The following LOC112694756 variants were observed in gnomAD, a reference collection of about 807,000 sequenced individuals.
the LOC112694756 span, chr16:30,063,728 G>A: frequency 2.5e-6 from 1 of 399,344 alleles, no homozygotes; most frequent in Non-Finnish European, 4.4e-6. Context: ...TCCTCCCTCA[G>A]GACTGGGCAC....
chr16:30,061,918 T>C, the LOC112694756 span, among the ~76,000 whole-genome samples: 1 of 151,818 alleles, frequency 6.6e-6, no homozygotes, highest in South Asian at 2.1e-4. Flanking sequence ...TTAAAAAATA[T>C]AAGGCTGGGC....
chr16:30,062,860 T>G, the LOC112694756 span, among the ~76,000 whole-genome samples: 7 of 129,088 alleles, frequency 5.4e-5, no homozygotes, highest in Non-Finnish European at 8.2e-5. Flanking sequence ...AAAAAAAAAA[T>G]GGCCGGGCAC....
the LOC112694756 span, among the ~76,000 whole-genome samples, chr16:30,057,785 T>A: frequency 2.6e-5 from 4 of 151,972 alleles, no homozygotes; most frequent in African/African-American, 9.7e-5. Flanking sequence ...AAAACTCCTG[T>A]CTTGGCGTGG....
chr16:30,059,522 A>G, the LOC112694756 span, among the ~76,000 whole-genome samples: 1 of 150,168 alleles, frequency 6.7e-6, no homozygotes, highest in African/African-American at 2.5e-5. Context: ...AATAATAATA[A>G]TATCTCTCTT....
chr16:30,058,535 G>C, the LOC112694756 span, among the ~76,000 whole-genome samples: 1 of 150,800 alleles, frequency 6.6e-6, no homozygotes, highest in Admixed American at 6.6e-5. Context: ...ACCCATGCTG[G>C]AGTGCAGTGG....
chr16:30,069,929 TCTC>T, the LOC112694756 span: 4 of 1,613,884 alleles, frequency 2.5e-6, no homozygotes, highest in African/African-American at 1.3e-5. Context: ...GCCCTGACCT[TCTC>T]CTACGGCCGA....
the LOC112694756 span, chr16:30,063,694 T>A: frequency 2.5e-6 from 1 of 399,286 alleles, no homozygotes; most frequent in Non-Finnish European, 4.4e-6. Context: ...CGTGGCCCCA[T>A]CCCACCTCCC....
At chr16:30,058,492 T>C in the LOC112694756 span, among the ~76,000 whole-genome samples, 1 of 150,660 alleles carries the variant, frequency 6.6e-6, no homozygotes, top group Non-Finnish European at 1.5e-5. Flanking sequence ...TTTTCTTTTT[T>C]CTTTTTTTTT....
chr16:30,068,620 T>C, the LOC112694756 span: 3 of 1,613,804 alleles, frequency 1.9e-6, no homozygotes, highest in East Asian at 2.2e-5. Flanking sequence ...TCCTGTGTCT[T>C]AATGTTGTTA....
At chr16:30,058,027 T>C in the LOC112694756 span, among the ~76,000 whole-genome samples, 1 of 152,090 alleles carries the variant, frequency 6.6e-6, no homozygotes, top group African/African-American at 2.4e-5. Flanking sequence ...TGCCGCCCCC[T>C]ACCCCTTCTG....
At chr16:30,067,260 C>G in the LOC112694756 span, 8 of 1,612,370 alleles carry the variant, frequency 5.0e-6, no homozygotes, top group Non-Finnish European at 6.8e-6. Context: ...GCACCATGCC[C>G]TACCAATATC....
At chr16:30,064,546 C>G in the LOC112694756 span, 1 of 398,734 alleles carries the variant, frequency 2.5e-6, no homozygotes, top group Non-Finnish European at 4.4e-6. Flanking sequence ...TAGGGCCGAC[C>G]CAAGTCTTCC....
chr16:30,066,447 T>G, the LOC112694756 span, among the ~76,000 whole-genome samples: 1 of 152,220 alleles, frequency 6.6e-6, no homozygotes, highest in Non-Finnish European at 1.5e-5. Context: ...ACGGGAGCAT[T>G]TTTCAGGGGA....
the LOC112694756 span, among the ~76,000 whole-genome samples, chr16:30,056,795 T>G: frequency 6.6e-6 from 1 of 152,210 alleles, no homozygotes; most frequent in African/African-American, 2.4e-5. Context: ...CAGATGGGGT[T>G]TCATGTTGTT....
chr16:30,053,664 C>G, the LOC112694756 span, among the ~76,000 whole-genome samples: 12 of 152,188 alleles, frequency 7.9e-5, no homozygotes, highest in African/African-American at 2.9e-4. Flanking sequence ...GAATGGACTT[C>G]CCACGGGAGG....
chr16:30,067,494 G>T, the LOC112694756 span: 1 of 1,613,614 alleles, frequency 6.2e-7, no homozygotes, highest in Non-Finnish European at 8.5e-7. Flanking sequence ...CGAGAACACC[G>T]AGGAGAACCG....
the LOC112694756 span, chr16:30,068,064 T>A: frequency 4.7e-5 from 4 of 84,940 alleles, no homozygotes; most frequent in Non-Finnish European, 9.7e-5. Flanking sequence ...TTAAGTAAAT[T>A]TTTTTTTTTT....
the LOC112694756 span, chr16:30,064,073 C>T: frequency 2.5e-6 from 1 of 398,934 alleles, no homozygotes; most frequent in East Asian, 3.6e-5. Context: ...AGTGCTCGGG[C>T]AGGTGCCCTG....
At chr16:30,061,548 CTT>C in the LOC112694756 span, among the ~76,000 whole-genome samples, 4 of 65,622 alleles carry the variant, frequency 6.1e-5, no homozygotes, top group Admixed American at 7.4e-4. Context: ...CCTCCATTTC[CTT>C]TTTTTTTTTT....
Sources: allele counts gnomAD v4.1 joint callset (sites outside exome capture counted in the v4.1 genomes callset), GRCh38; gene constraint gnomAD v4.1.1; transcripts MANE v1.5.